The following ADAMTSL3 variants were observed in gnomAD, a reference collection of about 807,000 sequenced individuals.
ADAMTSL3 encodes the protein ADAMTS like 3.
ADAMTSL3 carries 128 observed loss-of-function variants against 201.7 expected under a neutral mutation model. The observed-to-expected ratio is 0.63, with a 90% CI of 0.55 to 0.73. ADAMTSL3 has a LOEUF of 0.73. ADAMTSL3 is among the 30% of genes least tolerant of loss of function. ADAMTSL3 has a pLI of 0.00. For synonymous variants in ADAMTSL3, 738 were observed against 748.4 expected, an observed-to-expected ratio of 0.99 and a Z score of 0.23; for missense variants, 1,990 against 2,119.6, an observed-to-expected ratio of 0.94 and a Z score of 1.20.
At chr15:83,765,766 A>G (rs753770935) in intron 3 of ADAMTSL3, among the ~76,000 whole-genome samples, 4 of 152,226 alleles carry the variant, frequency 2.6e-5, no homozygotes, top group Non-Finnish European at 5.9e-5. Flanking sequence ...ATGATTTCCT[A>G]AGAGATCCTT....
chr15:83,875,841 C>T (rs941655519), intron 9 of ADAMTSL3, among the ~76,000 whole-genome samples: 2 of 151,816 alleles, frequency 1.3e-5, no homozygotes, highest in Admixed American at 6.6e-5. Flanking sequence ...ATGTGTAAGA[C>T]ACAGGAGGAA....
At chr15:83,799,981 A>G (rs1011359501) in intron 4 of ADAMTSL3, among the ~76,000 whole-genome samples, 1 of 152,226 alleles carries the variant, frequency 6.6e-6, no homozygotes, top group Non-Finnish European at 1.5e-5. Flanking sequence ...TGTCTGTTTC[A>G]TAAAGTAGTC....
Position 83,899,671 on chromosome 15 carries a change from T to C in ADAMTSL3, c.1640T>C (p.Leu547Ser). ...GAAAAAAGTCCAGTGGAAGCAAAAT[T>C]GCCTTGGCTGAAACAAGCACAAGAA... ...PKEKSPVEAK[L>S]PWLKQAQELE... Residue 547 changes from leucine to serine, a missense_variant, in exon 15 of 30, where the codon TTG (leucine) becomes TCG (serine). Leu to Ser is a moderately radical substitution (Grantham distance 145). Transcript: ENST00000286744. 6.2e-7 allele frequency: 1 copy of C among 1,612,328 alleles called. No homozygotes were observed.
Position 83,982,510 on chromosome 15 carries a change from T to G in ADAMTSL3, c.2882T>G (p.Ile961Ser). 1 of 1,614,208 alleles carries G rather than the reference T, an allele frequency of 6.2e-7. No homozygotes were observed. Among genetic ancestry groups the G allele is most frequent in the Non-Finnish European group, 8.5e-7 (1 of 1,180,038 alleles). Residue 961 changes from isoleucine to serine, a missense_variant, in exon 21 of 30, where the codon ATC becomes AGC. Ile to Ser is a moderately radical substitution (Grantham distance 142). Transcript: ENST00000286744. ...CTGCAGAACTCCAAACGGCTTGGCA[T>G]CACCAAGTCAGGCTCACTAAAAATC... Reference protein sequence around the residue: ...RCLQNSKRLGITKSGSLKIHG... With the variant: ...RCLQNSKRLGSTKSGSLKIHG...
rs2141651438 is a variant in ADAMTSL3, at chr15:83,744,838, G to A, written c.190-28685G>A. ...GTCTTACATATGCCTTCCTAGAGAA[G>A]CCATTTGTGTAATGTCAAAAGAGTG... On this transcript the variant is annotated intron_variant, in intron 3 of 29. Coordinates refer to ENST00000286744, the MANE Select transcript of ADAMTSL3 (RefSeq NM_207517.3). 2.6e-5 allele frequency among the ~76,000 whole-genome samples: 4 copies of A among 152,304 alleles called. No individual in the cohort carries two copies. The Middle Eastern group carries it at 0.014, about 518-fold the overall frequency.
chr15:83,935,396 A>G (rs1312793538), intron 17 of ADAMTSL3, among the ~76,000 whole-genome samples: 1 of 152,150 alleles, frequency 6.6e-6, no homozygotes, highest in East Asian at 1.9e-4. Context: ...AAAAGAAAAA[A>G]TAAGTGCCTT....
intron 2 of ADAMTSL3, among the ~76,000 whole-genome samples, chr15:83,661,120 T>A (rs1457456752): frequency 6.7e-6 from 1 of 149,618 alleles, no homozygotes; most frequent in Admixed American, 6.7e-5. Flanking sequence ...CTGAGGGCTC[T>A]GTTCTGTTCC....
intron 6 of ADAMTSL3, among the ~76,000 whole-genome samples, chr15:83,825,387 A>G (rs111809905): frequency 1.3e-5 from 2 of 152,216 alleles, no homozygotes; most frequent in African/African-American, 4.8e-5. Flanking sequence ...AAGACAGGAG[A>G]GTTCGTTAAG....
chr15:83,758,223 T>TA (rs2062751736), intron 3 of ADAMTSL3, among the ~76,000 whole-genome samples: 1 of 152,098 alleles, frequency 6.6e-6, no homozygotes, highest in African/African-American at 2.4e-5. Context: ...AATTTATAAG[T>TA]AAAAAAGGTT....
intron 6 of ADAMTSL3, among the ~76,000 whole-genome samples, chr15:83,833,285 ATC>A (rs2141963654): frequency 6.6e-6 from 1 of 152,096 alleles, no homozygotes; most frequent in Non-Finnish European, 1.5e-5. Flanking sequence ...GAAGTCCAAA[ATC>A]AAAGTGCTGG....
rs758255296 is a variant in ADAMTSL3 at position 83,838,122 on chromosome 15, G to A, written c.634G>A (p.Ala212Thr). The A allele has an allele frequency of 6.2e-7, 1 of 1,612,662 alleles. No individual in the cohort carries two copies. ...CTGCGATCGGCAACTGGGAAGCAAT[G>A]CCAAGGAGGACAACTGTGGAGTCTG... ...VGCDRQLGSN[A>T]KEDNCGVCAG... Residue 212 changes from alanine to threonine, a missense_variant, in exon 7 of 30, where the codon GCC (alanine) becomes ACC (threonine). Transcript: ENST00000286744.
intron 8 of ADAMTSL3, chr15:83,862,753 A>G (rs2064892886): frequency 6.6e-6 from 1 of 152,182 alleles, no homozygotes; most frequent in African/African-American, 2.4e-5. Context: ...TGACAGGATC[A>G]AATTCACACA....
intron 15 of ADAMTSL3, among the ~76,000 whole-genome samples, chr15:83,908,163 A>G (rs1173332708): frequency 6.6e-6 from 1 of 152,262 alleles, no homozygotes; most frequent in Non-Finnish European, 1.5e-5. Flanking sequence ...ATATGCTGTC[A>G]TCCTGGATGA....
chr15:83,757,390 G>A (rs528476986), intron 3 of ADAMTSL3, among the ~76,000 whole-genome samples: 3 of 152,264 alleles, frequency 2.0e-5, no homozygotes, highest in Non-Finnish European at 2.9e-5. Context: ...ACTCTCTGAA[G>A]CCATGGCCTG....
rs141027599 is a variant in ADAMTSL3 at position 83,832,605 on chromosome 15, C to T, written c.601-5484C>T. Among the ~76,000 whole-genome samples the T allele has an allele frequency of 3.6e-3, 551 of 152,300 alleles. 2 individuals carry two copies. Among genetic ancestry groups the T allele is most frequent in the Non-Finnish European group, 6.5e-3 (444 of 68,026 alleles). On this transcript the variant is annotated intron_variant, in intron 6 of 29. Transcript: ENST00000286744. ...CACATAAATTGCCTTTCTTGTGCCA[C>T]GTGGCCATGGGCATCAGTTAGGCAG...
intron 2 of ADAMTSL3, 51 bp downstream of exon 2, chr15:83,655,881 C>A: frequency 1.3e-6 from 2 of 1,550,350 alleles, no homozygotes; most frequent in African/African-American, 1.4e-5. Context: ...CCTCTGTTTA[C>A]TCAGAGGCAT....
At chr15:83,735,058 C>A (rs138942678) in intron 3 of ADAMTSL3, among the ~76,000 whole-genome samples, 1 of 152,258 alleles carries the variant, frequency 6.6e-6, no homozygotes, top group East Asian at 1.9e-4. Context: ...CAGGCAGCCT[C>A]ACTATGCAAA....
intron 4 of ADAMTSL3, among the ~76,000 whole-genome samples, chr15:83,793,876 T>G (rs970730208): frequency 1.3e-5 from 2 of 152,118 alleles, no homozygotes; most frequent in African/African-American, 4.8e-5. Context: ...GGCAGAGGAA[T>G]AAACAAATGA....
At chr15:83,751,225 A>G (rs1049574394) in intron 3 of ADAMTSL3, among the ~76,000 whole-genome samples, 2 of 152,366 alleles carry the variant, frequency 1.3e-5, no homozygotes, top group Admixed American at 6.5e-5. Context: ...CAATGTGAGG[A>G]TGAATTGTAG....
Sources: allele counts gnomAD v4.1 joint callset (sites outside exome capture counted in the v4.1 genomes callset), GRCh38; gene constraint gnomAD v4.1.1; transcripts MANE v1.5; gene names NCBI Gene and HGNC (gene_info 2026-07-23, HGNC 2026-07-21).